The following CSAG1 variants were observed in gnomAD, a reference collection of about 807,000 sequenced individuals.
CSAG1 encodes chondrosarcoma associated gene 1, also known as chondrosarcoma-associated gene 1 protein.
In CSAG1, 4 loss-of-function variants were observed where a neutral mutation model predicts 4.8. The ratio of observed to expected loss-of-function variants is 0.83; its 90% CI spans 0.41 to 1.90. The LOEUF is 1.90. CSAG1 is among the 40% of genes most tolerant of loss of function. The probability of loss-of-function intolerance (pLI) is 0.03; values close to 1 mark genes in which losing one functional copy is unlikely to be tolerated. For missense variants in CSAG1, 69 were observed against 59.5 expected, an observed-to-expected ratio of 1.16 and a Z score of -0.53; for synonymous variants, 21 against 23.1, an observed-to-expected ratio of 0.91 and a Z score of 0.26.
chrX:152,729,811 G>A (rs1212582015), intron 2 of CSAG1, among the ~76,000 whole-genome samples: 4 of 109,943 alleles, frequency 3.6e-5, no homozygotes, highest in African/African-American at 1.3e-4. Flanking sequence ...ACAATTTGGC[G>A]TTTTCTTAAA....
Position 152,732,396 on chromosome X carries a change from G to A in CSAG1, c.16+49C>T, listed in dbSNP as rs377221532. 2.0e-5 allele frequency: 24 copies of A among 1,184,574 alleles called. 1 individual carries two copies. The highest frequency in any genetic ancestry group is 7.7e-5 in the South Asian group (4 of 51,690). ...ATATTCATTCATGGGGAACACAACA[G>A]TGTAAAAATGTAAACTCAGCTTAAA... On this transcript the variant is annotated intron_variant, in intron 2 of 3. Coordinates refer to ENST00000452779, the MANE Select transcript of CSAG1 (RefSeq NM_001102576.3).
intron 3 of CSAG1, 75 bp downstream of exon 3, chrX:152,727,999 T>C (rs1932056231): frequency 8.3e-7 from 1 of 1,206,609 alleles, no homozygotes; most frequent in Non-Finnish European, 1.1e-6. Flanking sequence ...AGGGTAGGAG[T>C]CAGAGCTTGG....
chrX:152,729,137 A>G (rs1233831903), intron 2 of CSAG1, among the ~76,000 whole-genome samples: 1 of 111,000 alleles, frequency 9.0e-6, no homozygotes, highest in East Asian at 2.8e-4. Flanking sequence ...AGGTTTTCCA[A>G]CAAAAGGTGT....
At chrX:152,729,829 A>T (rs1349024365) in intron 2 of CSAG1, among the ~76,000 whole-genome samples, 1 of 110,103 alleles carries the variant, frequency 9.1e-6, no homozygotes, top group Non-Finnish European at 1.9e-5. Context: ...AAAAAACGGA[A>T]CATAGACTTA....
At chrX:152,731,659 T>A (rs1251814243) in intron 2 of CSAG1, among the ~76,000 whole-genome samples, 2 of 109,525 alleles carry the variant, frequency 1.8e-5, no homozygotes, top group Non-Finnish European at 1.9e-5. Context: ...ATACCTTACC[T>A]AAATTAGTAG....
intron 2 of CSAG1, among the ~76,000 whole-genome samples, chrX:152,730,702 C>T (rs1181506118): frequency 1.8e-5 from 2 of 112,388 alleles, no homozygotes; most frequent in African/African-American, 6.5e-5. Context: ...CGGACTAAGA[C>T]AATGGCAAGA....
intron 2 of CSAG1, among the ~76,000 whole-genome samples, chrX:152,728,773 C>T (rs1932082424): frequency 9.0e-6 from 1 of 111,384 alleles, no homozygotes; most frequent in African/African-American, 3.3e-5. Context: ...CTCAATATGT[C>T]CATTCTTGGC....
chrX:152,732,483 T>C lies in CSAG1; in HGVS notation c.-23A>G. ...CATTACAAGCAAATTTGGGCTGCTG[T>C]GCTCTGCTTCCCAAATCAACCCTGT... is the stretch of plus-strand genomic sequence containing the variant. On this transcript the variant is annotated 5_prime_UTR_variant, in exon 2 of 4. Coordinates refer to ENST00000452779, the MANE Select transcript of CSAG1 (RefSeq NM_001102576.3). The C allele has an allele frequency of 1.7e-6, 2 of 1,210,265 alleles. No homozygotes were observed. Among genetic ancestry groups the C allele is most frequent in the African/African-American group, 3.5e-5 (2 of 57,821 alleles).
chrX:152,731,585 G>A (rs782787700), intron 2 of CSAG1, among the ~76,000 whole-genome samples: 2 of 111,439 alleles, frequency 1.8e-5, no homozygotes, highest in Non-Finnish European at 3.8e-5. Context: ...AAAATCAGAT[G>A]AGGACCACAT....
At position 152,728,102 on chromosome X, in the gene CSAG1, A is replaced by G. The variant is rs1932060276; in HGVS notation, c.139T>C (p.Ser47Pro). Residue 47 changes from serine to proline, a missense_variant, in exon 3 of 4, where the codon TCC (serine) becomes CCC (proline). Physicochemically the swap from Ser to Pro is moderately conservative, Grantham distance 74. Transcript: ENST00000452779. ...TTTGGTGTTGATGGGTGGTTGTTGGAAAATGGGCTGGAGGCTCGTGGTTTC... is the reference window on the plus strand; with the variant it reads ...TTTGGTGTTGATGGGTGGTTGTTGGGAAATGGGCTGGAGGCTCGTGGTTTC... Reference protein sequence around the residue: ...SRKPRASSPFSNNHPSTPKRF... With the variant: ...SRKPRASSPFPNNHPSTPKRF... 1 of 1,208,849 alleles carries G rather than the reference A, an allele frequency of 8.3e-7. No homozygotes were observed. The highest frequency in any genetic ancestry group is 2.2e-5 in the Admixed American group (1 of 45,639).
intron 2 of CSAG1, among the ~76,000 whole-genome samples, chrX:152,731,235 T>C (rs1337506051): frequency 6.2e-5 from 7 of 112,122 alleles, no homozygotes; most frequent in African/African-American, 2.3e-4. Flanking sequence ...TCTGTTATTC[T>C]GTATGTGTGA....
At chrX:152,732,715 G>C (rs782483517) in intron 1 of CSAG1, among the ~76,000 whole-genome samples, 3 of 112,238 alleles carry the variant, frequency 2.7e-5, no homozygotes, top group Admixed American at 9.4e-5. Flanking sequence ...AGAATGGGTA[G>C]AATAAAAGTT....
In CSAG1 at chrX:152,727,711, T is replaced by C; in HGVS notation, c.*83A>G. On this transcript the variant is annotated 3_prime_UTR_variant, in exon 4 of 4. Transcript: ENST00000452779. ...GTGGTCCTGCTATGGCGCATTTTGA[T>C]TGAGTTCCTCGTTCGGCTGGTCAGA... The C allele has an allele frequency of 9.0e-7, 1 of 1,114,193 alleles. No homozygotes were observed. Among genetic ancestry groups the C allele is most frequent in the East Asian group, 3.0e-5 (1 of 33,347 alleles). The allele number at this position is 1,114,193 out of a possible 1,213,427, so 91.8% of individuals were successfully genotyped here.
intron 2 of CSAG1, among the ~76,000 whole-genome samples, chrX:152,730,011 C>CATACAT (rs60344977): frequency 1.3e-5 from 1 of 77,897 alleles, no homozygotes; most frequent in Non-Finnish European, 2.4e-5. Context: ...TATATATATA[C>CATACAT]ACACATACAC....
At position 152,727,882 on chromosome X, in the gene CSAG1, G is replaced by T. The variant is rs112479592; in HGVS notation, c.168-19C>A. On this transcript the variant is annotated intron_variant, in intron 3 of 3. Transcript: ENST00000452779. The stretch of plus-strand genomic sequence containing the variant: ...TGGGAACCTGGAAAGCCAACAGGGA[G>T]ATCACAGGAGGGCACTGGTTTGGGG... 8.3e-7 allele frequency: 1 copy of T among 1,205,171 alleles called. No individual in the cohort carries two copies. The highest frequency in any genetic ancestry group is 3.0e-5 in the East Asian group (1 of 33,820).
intron 2 of CSAG1, among the ~76,000 whole-genome samples, chrX:152,732,001 G>C (rs1468268368): frequency 2.2e-4 from 25 of 112,202 alleles, no homozygotes; most frequent in Non-Finnish European, 4.1e-4. Context: ...TCAGGATTGA[G>C]ACACAAAAAG....
In CSAG1 at chrX:152,732,878, T is replaced by C. The variant is rs112383352; in HGVS notation, c.-44-374A>G. 8.0e-4 allele frequency: 110 copies of C among 136,647 alleles called. No individual in the cohort carries two copies. The Middle Eastern group carries it at 0.013, about 16-fold the overall frequency. The allele number at this position is 136,647 out of a possible 1,213,427, so 11.3% of individuals were successfully genotyped here. On this transcript the variant is annotated intron_variant, in intron 1 of 3. Coordinates refer to ENST00000452779, the MANE Select transcript of CSAG1 (RefSeq NM_001102576.3). ...TGCTAATAACAACCTGAAACCAACA[T>C]AGTGGGAGAGGAATTACGTTTAAAA...
chrX:152,728,268 T>C (rs1556830874), intron 2 of CSAG1, 44 bp from the exon 3 acceptor site: 1 of 1,170,975 alleles, frequency 8.5e-7, no homozygotes, highest in African/African-American at 1.8e-5. Flanking sequence ...TGTGGTAGAA[T>C]TCCTTTTCCA....
chrX:152,727,921 AGGG>A, intron 3 of CSAG1, 58 bp from the exon 4 acceptor site: 1 of 1,188,490 alleles, frequency 8.4e-7, no homozygotes, highest in Non-Finnish European at 1.1e-6. Context: ...AGGATGGAGG[AGGG>A]GTGAGAACAG....
Sources: gnomAD v4.1 joint callset for allele counts (sites outside exome capture counted in the v4.1 genomes callset) on GRCh38, gnomAD v4.1.1 for gene constraint, MANE v1.5 for transcripts, NCBI Gene and HGNC (gene_info 2026-07-23, HGNC 2026-07-21) for gene names.